Variants in C2orf80 observed in about 807,000 individuals in gnomAD.
C2orf80 encodes the protein chromosome 2 open reading frame 80, also known as uncharacterized protein C2orf80.
Under a neutral mutation model 30.2 loss-of-function variants are expected in C2orf80, and 28 were observed. That is an observed-to-expected ratio of 0.93 (90% CI 0.69 to 1.27). The LOEUF (loss-of-function observed/expected upper bound fraction) is 1.27, where lower values mean the gene tolerates loss of function less well. C2orf80 is among the 50% of genes most tolerant of loss of function. The pLI, the probability that C2orf80 is intolerant of heterozygous loss-of-function variation, is 0.00. For missense variants in C2orf80, 220 were observed against 231.0 expected, an observed-to-expected ratio of 0.95 and a Z score of 0.31; for synonymous variants, 80 against 76.4, an observed-to-expected ratio of 1.05 and a Z score of -0.24.
chr2:208,177,260 G>A (rs74579325), intron 6 of C2orf80, among the ~76,000 whole-genome samples: 22,454 of 150,222 alleles, frequency 0.15, 1,919 homozygotes, highest in South Asian at 0.26. Flanking sequence ...AAATACAAGC[G>A]GCCAGACGTG....
intron 3 of C2orf80, among the ~76,000 whole-genome samples, chr2:208,184,638 A>G (rs1696661250): frequency 6.6e-6 from 1 of 152,236 alleles, no homozygotes; most frequent in African/African-American, 2.4e-5. Context: ...TGAGAACTAC[A>G]TGATAGCTAA....
At chr2:208,186,212 T>C (rs917640653) in intron 2 of C2orf80, among the ~76,000 whole-genome samples, 1 of 152,214 alleles carries the variant, frequency 6.6e-6, no homozygotes, top group African/African-American at 2.4e-5. Context: ...TGTATATTCA[T>C]AGTTTCTTCT....
At chr2:208,173,942 C>T (rs1221962295) in intron 6 of C2orf80, among the ~76,000 whole-genome samples, 2 of 151,710 alleles carry the variant, frequency 1.3e-5, no homozygotes. Flanking sequence ...TTTTTAATCC[C>T]TCATTTACTA....
intron 8 of C2orf80, among the ~76,000 whole-genome samples, chr2:208,170,679 C>T (rs547507001): frequency 6.6e-6 from 1 of 152,266 alleles, no homozygotes; most frequent in South Asian, 2.1e-4. Flanking sequence ...AAGCACTGTT[C>T]TAACCTTTTA....
chr2:208,187,224 C>A (rs1696744589), intron 1 of C2orf80, among the ~76,000 whole-genome samples, 163 bp from the exon 2 acceptor site: 1 of 152,216 alleles, frequency 6.6e-6, no homozygotes, highest in Non-Finnish European at 1.5e-5. Flanking sequence ...ATGCACTGTA[C>A]TTTTGTGTTT....
chr2:208,165,854 A>G (rs796281), intron 8 of C2orf80, 39 bp from the exon 9 acceptor site: 292,852 of 1,412,878 alleles, frequency 0.21, 34,709 homozygotes, highest in East Asian at 0.56. Context: ...AAGCACATCA[A>G]TTTAACATGG....
chr2:208,175,514 TGG>T (rs1696259811), intron 6 of C2orf80, among the ~76,000 whole-genome samples: 1 of 152,088 alleles, frequency 6.6e-6, no homozygotes, highest in Non-Finnish European at 1.5e-5. Context: ...TACCATCAGG[TGG>T]CAGCACATAA....
intron 8 of C2orf80, chr2:208,168,309 T>C (rs1695967952): frequency 1.2e-5 from 3 of 252,254 alleles, no homozygotes; most frequent in South Asian, 7.4e-5. Context: ...ATATTTTTTG[T>C]CTGGCTTGAA....
intron 6 of C2orf80, among the ~76,000 whole-genome samples, chr2:208,180,486 T>G (rs553545071): frequency 1.4e-3 from 208 of 152,006 alleles, no homozygotes; most frequent in African/African-American, 4.8e-3. Context: ...AGTAAAGTTT[T>G]GCCCCCAAGC....
At chr2:208,185,718 G>A (rs1347331444) in intron 2 of C2orf80, among the ~76,000 whole-genome samples, 1 of 152,144 alleles carries the variant, frequency 6.6e-6, no homozygotes, top group Non-Finnish European at 1.5e-5. Flanking sequence ...TTTACATAAG[G>A]TGGAGAATAA....
intron 8 of C2orf80, among the ~76,000 whole-genome samples, chr2:208,170,541 A>G (rs1696063371): frequency 6.6e-6 from 1 of 152,234 alleles, no homozygotes; most frequent in African/African-American, 2.4e-5. Flanking sequence ...ACAGAAATTA[A>G]TACAAACTTT....
chr2:208,186,268 G>A (rs576073408), intron 2 of C2orf80, among the ~76,000 whole-genome samples: 4 of 152,256 alleles, frequency 2.6e-5, no homozygotes, highest in Admixed American at 6.5e-5. Context: ...TTAGGAGGCC[G>A]AGAAAAGATA....
chr2:208,185,175 G>C (rs10497896), intron 2 of C2orf80, 143 bp from the exon 3 acceptor site: 87,041 of 578,766 alleles, frequency 0.15, 7,409 homozygotes, highest in South Asian at 0.2. Flanking sequence ...GTTAATATTC[G>C]GTTTTGGTTT....
chr2:208,176,973 A>ATACATAT (rs1559340668), intron 6 of C2orf80, among the ~76,000 whole-genome samples: 1 of 92,240 alleles, frequency 1.1e-5, no homozygotes. Flanking sequence ...ATGTATACAT[A>ATACATAT]TATACAGAAA....
At chr2:208,172,454 C>A (rs1696132911) in intron 6 of C2orf80, among the ~76,000 whole-genome samples, 1 of 152,178 alleles carries the variant, frequency 6.6e-6, no homozygotes, top group African/African-American at 2.4e-5. Context: ...CACACCCACT[C>A]TCCCTTGCTG....
rs374242050 is a variant in C2orf80, at chr2:208,175,191, C to A, written c.367-3116G>T. On this transcript the variant is annotated intron_variant, in intron 6 of 8. Transcript: ENST00000341287. ...ATTCCAGCTACTCGGGAGGCTGAGG[C>A]GAGAGAATCACTTGAACCCCGGGGG... Among the ~76,000 whole-genome samples, 85 of 111,448 alleles carry A rather than the reference C, an allele frequency of 7.6e-4. 2 individuals carry two copies. In the South Asian group the frequency reaches 0.025, roughly 33 times the overall value. The allele number at this position is 111,448 out of a possible 152,430, so 73.1% of individuals were successfully genotyped here. A position where few individuals can be genotyped will look rare whatever the true frequency, so the allele number is the denominator to read the frequency against.
chr2:208,180,046 C>G (rs1445747515), intron 6 of C2orf80, among the ~76,000 whole-genome samples: 2 of 151,998 alleles, frequency 1.3e-5, no homozygotes, highest in Non-Finnish European at 2.9e-5. Flanking sequence ...TGAGAATGAG[C>G]CTTGTGGATC....
chr2:208,167,081 T>C (rs1695919808), intron 8 of C2orf80, among the ~76,000 whole-genome samples: 1 of 152,158 alleles, frequency 6.6e-6, no homozygotes, highest in Non-Finnish European at 1.5e-5. Flanking sequence ...GGTAACTCAC[T>C]CAAGTTATTA....
At chr2:208,177,128 T>TATATACATACATATATATTAC (rs1325607200) in intron 6 of C2orf80, among the ~76,000 whole-genome samples, 1 of 147,102 alleles carries the variant, frequency 6.8e-6, no homozygotes, top group East Asian at 2.0e-4. Flanking sequence ...CGATTTTATA[T>TATATACATACATATATATTAC]ATATACATAC....
Sources: gnomAD v4.1 joint callset for allele counts (sites outside exome capture counted in the v4.1 genomes callset) on GRCh38, gnomAD v4.1.1 for gene constraint, MANE v1.5 for transcripts, NCBI Gene and HGNC (gene_info 2026-07-23, HGNC 2026-07-21) for gene names.